LAYN: variants seen among roughly 807,000 people sequenced by gnomAD.
LAYN encodes layilin.
A neutral mutation model predicts 43.6 loss-of-function variants in LAYN; 38 were observed. The observed-to-expected ratio is 0.87, with a 90% CI of 0.67 to 1.14. The LOEUF is 1.14. Ranked by LOEUF, LAYN falls within the 50% of genes most tolerant of loss-of-function variation. LAYN has a pLI of 0.00. For missense variants in LAYN, 479 were observed against 463.8 expected, an observed-to-expected ratio of 1.03 and a Z score of -0.30; for synonymous variants, 168 against 172.9, an observed-to-expected ratio of 0.97 and a Z score of 0.22.
intron 3 of LAYN, chr11:111,551,514 G>C (rs575126897): frequency 2.3e-6 from 1 of 437,610 alleles, no homozygotes; most frequent in Admixed American, 2.4e-5. Flanking sequence ...ACACACCTTA[G>C]CATGCCAGAA....
In LAYN at chr11:111,560,465, T is replaced by TA. The variant is rs1421125508; in HGVS notation, c.*13dup. ...TGAAATATATGGTTATTAGGACATA[T>TA]AAAAAACTGAAACTGACAACAATGG... On this transcript the variant is annotated 3_prime_UTR_variant, in exon 7 of 7. Transcript: ENST00000375614. The TA allele has an allele frequency of 8.2e-6, 13 of 1,590,134 alleles. No individual in the cohort carries two copies. Among genetic ancestry groups the TA allele is most frequent in the African/African-American group, 1.4e-5 (1 of 73,524 alleles).
intron 1 of LAYN, chr11:111,541,292 C>T (rs1029984817): frequency 2.2e-5 from 13 of 601,298 alleles, no homozygotes; most frequent in Non-Finnish European, 3.8e-5. Flanking sequence ...TTGGGACCAC[C>T]CCCGCGGGGC....
intron 4 of LAYN, among the ~76,000 whole-genome samples, 184 bp from the exon 5 acceptor site, chr11:111,555,023 A>G (rs551317254): frequency 6.6e-6 from 1 of 152,192 alleles, no homozygotes; most frequent in Admixed American, 6.5e-5. Context: ...GGTCTCACCA[A>G]AAAGACAAAG....
intron 1 of LAYN, among the ~76,000 whole-genome samples, chr11:111,542,169 A>G (rs1358680122): frequency 2.0e-5 from 3 of 152,166 alleles, no homozygotes; most frequent in Non-Finnish European, 4.4e-5. Flanking sequence ...CTGCTGCCCA[A>G]TTTGGAGCCA....
chr11:111,552,028 A>G (rs943274254), intron 3 of LAYN, among the ~76,000 whole-genome samples: 9 of 151,914 alleles, frequency 5.9e-5, no homozygotes, highest in Admixed American at 3.9e-4. Flanking sequence ...ATATATATAT[A>G]TATATGCATG....
chr11:111,541,473 C>A (rs1867537797), intron 1 of LAYN: 4 of 1,310,168 alleles, frequency 3.1e-6, no homozygotes, highest in Middle Eastern at 1.8e-4. Flanking sequence ...GCTTAGAGAT[C>A]GGGAAAGAAC....
intron 1 of LAYN, among the ~76,000 whole-genome samples, chr11:111,542,810 T>G (rs1867572235): frequency 6.6e-6 from 1 of 152,210 alleles, no homozygotes; most frequent in Non-Finnish European, 1.5e-5. Flanking sequence ...GGAAGTAGCT[T>G]TTGTTCCTGT....
intron 3 of LAYN, 47 bp downstream of exon 3, chr11:111,549,822 T>G (rs1291901650): frequency 6.4e-7 from 1 of 1,556,230 alleles, no homozygotes; most frequent in Non-Finnish European, 8.7e-7. Context: ...TCAACTTCTC[T>G]CATTTCATGA....
In LAYN at chr11:111,540,729, G is replaced by T; in HGVS notation, c.-115G>T. 5 of 1,050,884 alleles carry T rather than the reference G, an allele frequency of 4.8e-6. No homozygotes were observed. Among genetic ancestry groups the T allele is most frequent in the Non-Finnish European group, 6.6e-6 (5 of 762,660 alleles). 65.1% of individuals were successfully genotyped at this position (1,050,884 alleles called of 1,614,324 possible). A position where few individuals can be genotyped will look rare whatever the true frequency, so the allele number is the denominator to read the frequency against. ...CTCCCCCCCGCCTCCCGTGCGGTCCGTCGGTGGCCTAGAGATGCTGCTGCC... is the reference window on the plus strand; with the variant it reads ...CTCCCCCCCGCCTCCCGTGCGGTCCTTCGGTGGCCTAGAGATGCTGCTGCC... On this transcript the variant is annotated 5_prime_UTR_variant, in exon 1 of 7. Coordinates refer to ENST00000375614, the MANE Select transcript of LAYN (RefSeq NM_178834.5).
At chr11:111,545,074 A>ATATATATTTT (rs1170875315) in intron 2 of LAYN, among the ~76,000 whole-genome samples, 28 of 148,388 alleles carry the variant, frequency 1.9e-4, no homozygotes, top group African/African-American at 6.6e-4. Context: ...ATATATATAT[A>ATATATATTTT]TTTTTTACCT....
chr11:111,543,723 G>A (rs1216294268), intron 1 of LAYN, among the ~76,000 whole-genome samples, 200 bp from the exon 2 acceptor site: 1 of 152,154 alleles, frequency 6.6e-6, no homozygotes, highest in African/African-American at 2.4e-5. Context: ...CACAATATAG[G>A]CATCAGAGTT....
intron 6 of LAYN, among the ~76,000 whole-genome samples, chr11:111,558,835 T>C (rs1413457170): frequency 6.6e-6 from 1 of 151,328 alleles, no homozygotes; most frequent in Non-Finnish European, 1.5e-5. Flanking sequence ...TCGCCCAGGC[T>C]GGAGTGCAAT....
chr11:111,555,375 C>T, intron 5 of LAYN, 85 bp downstream of exon 5: 1 of 958,188 alleles, frequency 1.0e-6, no homozygotes, highest in Non-Finnish European at 1.6e-6. Flanking sequence ...CTACTTTGTT[C>T]TTTCCCACAG....
chr11:111,550,820 T>A (rs1324422795), intron 3 of LAYN, among the ~76,000 whole-genome samples: 1 of 152,234 alleles, frequency 6.6e-6, no homozygotes, highest in African/African-American at 2.4e-5. Flanking sequence ...TATTCTATTA[T>A]TAATAGCTCC....
intron 2 of LAYN, among the ~76,000 whole-genome samples, chr11:111,547,962 A>G (rs1429310142): frequency 6.6e-6 from 1 of 152,172 alleles, no homozygotes; most frequent in Admixed American, 6.5e-5. Context: ...CCTGCCCATC[A>G]TAGGCCAAGG....
In LAYN at chr11:111,540,954, C is replaced by G. The variant is rs563038634; in HGVS notation, c.85+26C>G. The G allele has an allele frequency of 2.7e-5, 40 of 1,502,772 alleles. No homozygotes were observed. The South Asian group carries it at 4.2e-4, about 16-fold the overall frequency. The allele number at this position is 1,502,772 out of a possible 1,614,324, so 93.1% of individuals were successfully genotyped here. A position where few individuals can be genotyped will look rare whatever the true frequency, so the allele number is the denominator to read the frequency against. On this transcript the variant is annotated intron_variant, in intron 1 of 6. Transcript: ENST00000375614. ...GTGAGTGCGCGCGCTGGGGCGGGGG[C>G]TGGTGCCGGGGTGGGCTCACTGCAC...
chr11:111,560,299 C>T lies in LAYN; in HGVS notation c.966C>T (p.Asp322=), dbSNP rs77694317. ...CCACTCCCGATGACATGTCTTGTGA[C>T]TATGACAACATGGCTGTGAACCCAT... ...GEATPDDMSC[D]YDNMAVNPSE... is the part of the protein sequence containing the mutation. Residue 322 remains aspartate (D), a synonymous_variant, in exon 7 of 7, where the codon GAC becomes GAT. Coordinates refer to ENST00000375614, the MANE Select transcript of LAYN (RefSeq NM_178834.5). 5.3e-3 allele frequency: 8,541 copies of T among 1,614,182 alleles called. 86 individuals carry two copies. Among genetic ancestry groups the T allele is most frequent in the East Asian group, 0.024 (1,095 of 44,882 alleles).
Position 111,544,220 on chromosome 11 carries a change from GGTAA to G in LAYN, c.383+3_383+6del. On this transcript the variant is annotated splice_donor_variant and splice_donor_region_variant and intron_variant, in intron 2 of 6. Transcript: ENST00000375614. LOFTEE classifies it high-confidence loss of function. ...ACTGATGGCAGCATATCACAATTTA[GGTAA>G]GTGTGTGGAACCCACAGCTGCTGAC... 7.5e-6 allele frequency: 12 copies of G among 1,609,928 alleles called. No homozygotes were observed. The highest frequency in any genetic ancestry group is 1.0e-5 in the Non-Finnish European group (12 of 1,177,842).
In LAYN at chr11:111,540,785, C is replaced by G; in HGVS notation, c.-59C>G. The G allele has an allele frequency of 6.8e-7, 1 of 1,480,046 alleles. No homozygotes were observed. Among genetic ancestry groups the G allele is most frequent in the South Asian group, 1.3e-5 (1 of 78,884 alleles). The allele number at this position is 1,480,046 out of a possible 1,614,324, so 91.7% of individuals were successfully genotyped here. ...TGCAGTTGTCGCGCACGCCTCTGCC[C>G]GCCAGCCCGCTCCACCGCCGTAGCG... On this transcript the variant is annotated 5_prime_UTR_variant, in exon 1 of 7. Transcript: ENST00000375614.
Sources: allele counts gnomAD v4.1 joint callset (sites outside exome capture counted in the v4.1 genomes callset), GRCh38; gene constraint gnomAD v4.1.1; transcripts MANE v1.5; gene names NCBI Gene and HGNC (gene_info 2026-07-23, HGNC 2026-07-21).